HMGCLL1: variants seen among roughly 807,000 people sequenced by gnomAD.
HMGCLL1 encodes the protein 3-hydroxy-3-methylglutaryl-CoA lyase like 1, also known as 3-hydroxymethyl-3-methylglutaryl-CoA lyase, cytoplasmic.
HMGCLL1 carries 36 observed loss-of-function variants against 39.1 expected under a neutral mutation model. The ratio of observed to expected loss-of-function variants is 0.92; its 90% CI spans 0.71 to 1.22. The LOEUF (loss-of-function observed/expected upper bound fraction) is 1.22. Among genes scored for constraint, HMGCLL1 ranks in the 50% most tolerant of loss-of-function variants. The pLI, the probability that HMGCLL1 is intolerant of heterozygous loss-of-function variation, is 0.00. For synonymous variants in HMGCLL1, 149 were observed against 144.0 expected (o/e 1.03, Z -0.25); for missense variants, 451 against 416.5 (o/e 1.08, Z -0.72).
chr6:55,472,165 C>A (rs1052209611), intron 7 of HMGCLL1, among the ~76,000 whole-genome samples: 4 of 151,464 alleles, frequency 2.6e-5, no homozygotes, highest in African/African-American at 4.8e-5. Flanking sequence ...TGGTTATATA[C>A]CTAGGAATGG....
chr6:55,461,178 A>AT (rs1344161630), intron 7 of HMGCLL1, among the ~76,000 whole-genome samples: 2 of 151,734 alleles, frequency 1.3e-5, no homozygotes, highest in East Asian at 3.9e-4. Flanking sequence ...TCTACTATTT[A>AT]TTTTTTTTAG....
the HMGCLL1 span, among the ~76,000 whole-genome samples, chr6:55,678,814 A>C: frequency 6.6e-6 from 1 of 152,154 alleles, no homozygotes; most frequent in South Asian, 2.1e-4. Context: ...GAGGTGGAGG[A>C]GTAAGGAGAA....
In HMGCLL1 at chr6:55,452,508, G is replaced by A. The variant is rs891817903; in HGVS notation, c.796-12949C>T. Among the ~76,000 whole-genome samples the A allele has an allele frequency of 3.9e-5, 6 of 152,264 alleles. No homozygotes were observed. In the East Asian group the frequency reaches 1.2e-3, roughly 29 times the overall value. On this transcript the variant is annotated intron_variant, in intron 7 of 8. Coordinates refer to ENST00000274901, the MANE Select transcript of HMGCLL1 (RefSeq NM_001042406.2). ...CTGACAGATTTTCAGTCCTTCCTGA[G>A]GTCCAGCTTCATTCCCTTACCAGCT... is the stretch of plus-strand genomic sequence containing the variant.
chr6:55,579,512 G>C (rs1043322208), upstream of HMGCLL1, among the ~76,000 whole-genome samples: 6 of 152,096 alleles, frequency 3.9e-5, no homozygotes, highest in African/African-American at 1.4e-4. Context: ...TGCAGCCTTG[G>C]GTGCTCAAGT....
intron 3 of HMGCLL1, among the ~76,000 whole-genome samples, chr6:55,535,848 T>A (rs950419855): frequency 2.6e-5 from 4 of 152,192 alleles, no homozygotes; most frequent in Non-Finnish European, 5.9e-5. Flanking sequence ...CTCTGCCTCC[T>A]TTCTTTCTCA....
intron 7 of HMGCLL1, among the ~76,000 whole-genome samples, chr6:55,467,516 A>T (rs908759644): frequency 1.3e-5 from 2 of 152,062 alleles, no homozygotes; most frequent in Admixed American, 6.6e-5. Context: ...ACACCTAGAA[A>T]CAGAGAGCTT....
chr6:55,507,767 C>T (rs906729805), intron 5 of HMGCLL1, among the ~76,000 whole-genome samples: 3 of 151,716 alleles, frequency 2.0e-5, no homozygotes, highest in African/African-American at 7.3e-5. Context: ...ATATGAAAGA[C>T]ATTTCATTTC....
chr6:55,564,197 A>T, intron 1 of HMGCLL1, among the ~76,000 whole-genome samples: 1 of 151,872 alleles, frequency 6.6e-6, no homozygotes, highest in South Asian at 2.1e-4. Flanking sequence ...CCTTGTCATT[A>T]TTTTTTTCAT....
chr6:55,621,685 A>T, the HMGCLL1 span, among the ~76,000 whole-genome samples: 2 of 151,988 alleles, frequency 1.3e-5, no homozygotes, highest in African/African-American at 4.8e-5. Flanking sequence ...TAATTATTTC[A>T]TTACATATTA....
chr6:55,646,377 T>G, the HMGCLL1 span, among the ~76,000 whole-genome samples: 1 of 151,810 alleles, frequency 6.6e-6, no homozygotes, highest in Non-Finnish European at 1.5e-5. Context: ...GTTTTCTTAA[T>G]TTCAAATTTA....
At chr6:55,534,750 A>C (rs566551536) in intron 3 of HMGCLL1, among the ~76,000 whole-genome samples, 3 of 152,206 alleles carry the variant, frequency 2.0e-5, no homozygotes, top group Non-Finnish European at 4.4e-5. Context: ...CAAATACCAT[A>C]AGCAAAAACA....
At position 55,579,044 on chromosome 6, in the gene HMGCLL1, C is replaced by T. The variant is rs1771909842; in HGVS notation, c.12G>A (p.Val4=). The change falls in exon 1 of 9, where the codon GTG becomes GTA. Residue 4 remains valine (V), a synonymous_variant. Transcript: ENST00000274901. MGN[V]PSAVKHCLSY... ...TGAGGCAGTGCTTCACCGCGGATGG[C>T]ACATTCCCCATGGCGGAGCCTGGGG... The T allele has an allele frequency of 6.2e-7, 1 of 1,611,288 alleles. No individual in the cohort carries two copies. The highest frequency in any genetic ancestry group is 2.2e-5 in the East Asian group (1 of 44,650).
At chr6:55,586,435 T>C in the HMGCLL1 span, among the ~76,000 whole-genome samples, 1 of 151,990 alleles carries the variant, frequency 6.6e-6, no homozygotes, top group Non-Finnish European at 1.5e-5. Context: ...AAGGTACATG[T>C]GCACAATGAG....
chr6:55,517,844 A>G (rs1355807833), intron 3 of HMGCLL1, among the ~76,000 whole-genome samples: 5 of 152,074 alleles, frequency 3.3e-5, no homozygotes, highest in Admixed American at 3.3e-4. Flanking sequence ...AATACCTAAG[A>G]TGCAAAGAAG....
At chr6:55,636,362 T>C in the HMGCLL1 span, among the ~76,000 whole-genome samples, 1 of 152,150 alleles carries the variant, frequency 6.6e-6, no homozygotes, top group African/African-American at 2.4e-5. Context: ...AAGGTTAATA[T>C]GAAAAATGAG....
At chr6:55,584,361 T>A in the HMGCLL1 span, among the ~76,000 whole-genome samples, 2 of 152,146 alleles carry the variant, frequency 1.3e-5, no homozygotes, top group Non-Finnish European at 2.9e-5. Flanking sequence ...GAGGATCTCA[T>A]GATATGGTTC....
chr6:55,642,792 AC>A, the HMGCLL1 span, among the ~76,000 whole-genome samples: 2 of 151,806 alleles, frequency 1.3e-5, no homozygotes, highest in African/African-American at 4.8e-5. Flanking sequence ...TTCCCCCATC[AC>A]CTTCCACCCT....
At chr6:55,649,347 C>A in the HMGCLL1 span, among the ~76,000 whole-genome samples, 1 of 151,400 alleles carries the variant, frequency 6.6e-6, no homozygotes, top group East Asian at 1.9e-4. Flanking sequence ...ACATTTGCAT[C>A]ACAAATACTC....
chr6:55,440,760 T>C (rs1413295307), intron 7 of HMGCLL1, among the ~76,000 whole-genome samples: 4 of 152,166 alleles, frequency 2.6e-5, no homozygotes, highest in Non-Finnish European at 4.4e-5. Context: ...AGTTTTTGAC[T>C]CAGAAGGTCT....
Sources: allele counts gnomAD v4.1 joint callset (sites outside exome capture counted in the v4.1 genomes callset), GRCh38; gene constraint gnomAD v4.1.1; transcripts MANE v1.5; gene names NCBI Gene and HGNC (gene_info 2026-07-23, HGNC 2026-07-21).